The following PTPN13 variants were observed in gnomAD, a reference collection of about 807,000 sequenced individuals.
PTPN13 encodes the protein protein tyrosine phosphatase non-receptor type 13.
Under a neutral mutation model 284.0 loss-of-function variants are expected in PTPN13, and 191 were observed. The observed-to-expected ratio is 0.67, with a 90% CI of 0.60 to 0.76. PTPN13 has a LOEUF of 0.76. PTPN13 is among the 30% of genes least tolerant of loss of function. PTPN13 has a pLI of 0.00. For missense variants in PTPN13, 2,797 were observed against 2,939.9 expected (o/e 0.95, Z 1.12); for synonymous variants, 986 against 1,022.3 (o/e 0.96, Z 0.68).
Position 86,785,900 on chromosome 4 carries a change from C to A in PTPN13, c.6309C>A (p.Asp2103Glu), listed in dbSNP as rs1741844561. The A allele has an allele frequency of 2.6e-6, 4 of 1,565,776 alleles. No individual in the cohort carries two copies. The highest frequency in any genetic ancestry group is 3.5e-6 in the Non-Finnish European group (4 of 1,153,348). ...CAGAAGAGAGAACAGAAGATACAGA[C>A]TGCGATGGTTCACCTTTACCTGAGT... ...KLSEERTEDT[D>E]CDGSPLPEYF... The change falls in exon 40 of 48, where the codon GAC (aspartate) becomes GAA (glutamate). Residue 2103 changes from aspartate (D) to glutamate (E), a missense_variant. Coordinates refer to ENST00000411767, the MANE Select transcript of PTPN13 (RefSeq NM_080683.3).
chr4:86,771,267 G>T lies in PTPN13; in HGVS notation c.4900G>T (p.Glu1634Ter), dbSNP rs750041752. The change falls in exon 31 of 48, where the codon GAA becomes TAA. Residue 1634 changes from glutamate (E) to a stop codon, truncating the protein, a stop_gained. Coordinates refer to ENST00000411767, the MANE Select transcript of PTPN13 (RefSeq NM_080683.3). LOFTEE classifies it high-confidence loss of function. ...GCAAAGCACCAGCTCAGATGAAAATGAAATGTCAGACAAAAGCAAAAAACA... is the reference window on the plus strand; with the variant it reads ...GCAAAGCACCAGCTCAGATGAAAATTAAATGTCAGACAAAAGCAAAAAACA... Reference protein sequence around the residue: ...VEQSTSSDENEMSDKSKKQCK... With the variant: ...VEQSTSSDEN The T allele has an allele frequency of 6.2e-7, 1 of 1,607,878 alleles. No individual in the cohort carries two copies. The highest frequency in any genetic ancestry group is 2.2e-5 in the East Asian group (1 of 44,716).
Position 86,785,359 on chromosome 4 carries a change from T to C in PTPN13, c.6247T>C (p.Cys2083Arg). 6.2e-7 allele frequency: 1 copy of C among 1,610,502 alleles called. No individual in the cohort carries two copies. Residue 2083 changes from cysteine (C) to arginine (R), a missense_variant, in exon 39 of 48, where the codon TGT becomes CGT. Transcript: ENST00000411767. ...CGAAAATAATGCAGCAGGATACTCCTGTGGTCCAGGTACGTGAACCAGATG... is the reference window on the plus strand; with the variant it reads ...CGAAAATAATGCAGCAGGATACTCCCGTGGTCCAGGTACGTGAACCAGATG... ...LNENNAAGYS[C>R]GPGTLKMNGK...
chr4:86,774,458 G>C lies in PTPN13; in HGVS notation c.5435G>C (p.Cys1812Ser). The C allele has an allele frequency of 6.2e-7, 1 of 1,605,486 alleles. No individual in the cohort carries two copies. The change falls in exon 33 of 48, where the codon TGT becomes TCT. Residue 1812 changes from cysteine (C) to serine (S), a missense_variant. By Grantham distance (112) the Cys-to-Ser change is moderately radical. Coordinates refer to ENST00000411767, the MANE Select transcript of PTPN13 (RefSeq NM_080683.3). ...TVTKGNQRIGCYVHDVIQDPA... is the reference protein window; with the variant it reads ...TVTKGNQRIGSYVHDVIQDPA... Reference sequence around the variant, plus strand: ...ACCAAAGGCAATCAGAGAATTGGTTGTTATGTTCATGATGTCATACAGGAT... The same window carrying C: ...ACCAAAGGCAATCAGAGAATTGGTTCTTATGTTCATGATGTCATACAGGAT...
rs1431466290 is a variant in PTPN13, at chr4:86,799,130, CTG to C, written c.6432_6433del (p.Asp2145Ter). 6.3e-7 allele frequency: 1 copy of C among 1,589,422 alleles called. No homozygotes were observed. Among genetic ancestry groups the C allele is most frequent in the African/African-American group, 1.4e-5 (1 of 73,968 alleles). On this transcript the variant is annotated frameshift_variant, in exon 42 of 48. Coordinates refer to ENST00000411767, the MANE Select transcript of PTPN13 (RefSeq NM_080683.3). LOFTEE classifies it high-confidence loss of function. ...ATTCAGAAGCCACAAGAAAAGAAGACTGATGATGATGAAATAACATGGGGAAA... is the reference window on the plus strand; with the variant it reads ...ATTCAGAAGCCACAAGAAAAGAAGACATGATGATGAAATAACATGGGGAAA...
At chr4:86,722,793 A>G (rs568437671) in intron 10 of PTPN13, among the ~76,000 whole-genome samples, 1 of 152,298 alleles carries the variant, frequency 6.6e-6, no homozygotes, top group Non-Finnish European at 1.5e-5. Flanking sequence ...TCAGACATGG[A>G]AAGTTCAAGG....
At chr4:86,754,852 G>A (rs1399698018) in intron 20 of PTPN13, among the ~76,000 whole-genome samples, 1 of 152,084 alleles carries the variant, frequency 6.6e-6, no homozygotes, top group South Asian at 2.1e-4. Flanking sequence ...ACCTGCCCTG[G>A]ACAGTAGGGC....
At chr4:86,676,780 G>A (rs1449117814) in intron 3 of PTPN13, among the ~76,000 whole-genome samples, 1 of 152,174 alleles carries the variant, frequency 6.6e-6, no homozygotes, top group Non-Finnish European at 1.5e-5. Context: ...AATACTATGT[G>A]ATTCCACTCA....
intron 2 of PTPN13, among the ~76,000 whole-genome samples, chr4:86,665,789 A>G (rs1726996110): frequency 6.6e-6 from 1 of 152,206 alleles, no homozygotes; most frequent in Admixed American, 6.5e-5. Flanking sequence ...TTCTGGAACT[A>G]CAGTACTTGT....
chr4:86,731,185 A>T (rs1162052138), intron 10 of PTPN13, among the ~76,000 whole-genome samples: 1 of 152,162 alleles, frequency 6.6e-6, no homozygotes, highest in East Asian at 1.9e-4. Flanking sequence ...ACACACCTAC[A>T]CATACACACA....
intron 2 of PTPN13, among the ~76,000 whole-genome samples, chr4:86,641,925 T>C (rs898346398): frequency 1.3e-5 from 2 of 152,230 alleles, no homozygotes; most frequent in African/African-American, 2.4e-5. Flanking sequence ...TTTTAAACTT[T>C]ATTAGTCTGT....
intron 2 of PTPN13, among the ~76,000 whole-genome samples, chr4:86,655,556 G>C (rs897478181): frequency 1.3e-5 from 2 of 152,186 alleles, no homozygotes; most frequent in African/African-American, 4.8e-5. Flanking sequence ...CTTTAAGAAT[G>C]TTGAATATTG....
At chr4:86,686,828 C>T (rs536034545) in intron 4 of PTPN13, 53 bp downstream of exon 4, 2 of 1,231,112 alleles carry the variant, frequency 1.6e-6, no homozygotes, top group South Asian at 1.4e-5. Context: ...CAATTTTACA[C>T]CTTATATCAT....
chr4:86,760,906 G>C (rs1243258910), intron 23 of PTPN13, among the ~76,000 whole-genome samples: 1 of 151,660 alleles, frequency 6.6e-6, no homozygotes, highest in Admixed American at 6.6e-5. Context: ...GTGTATTCTA[G>C]CTACCCCTGT....
chr4:86,647,533 A>T (rs1226113552), intron 2 of PTPN13, among the ~76,000 whole-genome samples: 11 of 151,774 alleles, frequency 7.2e-5, no homozygotes. Context: ...AACATTTTTA[A>T]AAATGAGAAA....
intron 3 of PTPN13, among the ~76,000 whole-genome samples, chr4:86,681,416 T>C (rs931047724): frequency 6.6e-6 from 1 of 152,152 alleles, no homozygotes; most frequent in Non-Finnish European, 1.5e-5. Context: ...TATGAGTAGA[T>C]AGTACTATTG....
At chr4:86,711,963 G>C (rs1451284063) in intron 7 of PTPN13, among the ~76,000 whole-genome samples, 1 of 152,120 alleles carries the variant, frequency 6.6e-6, no homozygotes, top group Non-Finnish European at 1.5e-5. Context: ...TAAGTATGTA[G>C]AAGCATCTTT....
At chr4:86,716,733 T>TA in intron 8 of PTPN13, 108 bp downstream of exon 8, 1 of 916,502 alleles carries the variant, frequency 1.1e-6, no homozygotes. Flanking sequence ...TAATACTGTA[T>TA]AAAATTGAAA....
intron 1 of PTPN13, among the ~76,000 whole-genome samples, chr4:86,627,103 A>C (rs182406215): frequency 6.6e-6 from 1 of 152,246 alleles, no homozygotes; most frequent in East Asian, 1.9e-4. Context: ...AAAATAAGCT[A>C]GTCATTTAGG....
intron 7 of PTPN13, among the ~76,000 whole-genome samples, chr4:86,713,681 A>C (rs571139991): frequency 6.6e-6 from 1 of 152,240 alleles, no homozygotes; most frequent in East Asian, 1.9e-4. Flanking sequence ...ACATTATCCT[A>C]GAAACAGTGC....
Sources: allele counts gnomAD v4.1 joint callset (sites outside exome capture counted in the v4.1 genomes callset), GRCh38; gene constraint gnomAD v4.1.1; transcripts MANE v1.5; gene names NCBI Gene and HGNC (gene_info 2026-07-23, HGNC 2026-07-21).